XKR4: variants seen among roughly 807,000 people sequenced by gnomAD.
XKR4 encodes XK related 4, also known as XK-related protein 4.
Under a neutral mutation model 53.9 loss-of-function variants are expected in XKR4, and 12 were observed. The ratio of observed to expected loss-of-function variants is 0.22; its 90% confidence interval spans 0.14 to 0.36. XKR4 has a LOEUF of 0.36. XKR4 is among the 10% of genes least tolerant of loss of function. The pLI, the probability that XKR4 is intolerant of heterozygous loss-of-function variation, is 1.00. For synonymous variants in XKR4, 354 were observed against 362.4 expected, an observed-to-expected ratio of 0.98 and a Z score of 0.26; for missense variants, 799 against 859.5, an observed-to-expected ratio of 0.93 and a Z score of 0.88.
At chr8:55,216,041 T>C (rs1817792186) in intron 1 of XKR4, among the ~76,000 whole-genome samples, 1 of 152,160 alleles carries the variant, frequency 6.6e-6, no homozygotes, top group Admixed American at 6.5e-5. Flanking sequence ...GAAAAATACA[T>C]ATGATGAAAA....
In XKR4 at chr8:55,533,268, A is replaced by G. The variant is rs1012244869; in HGVS notation, c.*9041A>G. 6.6e-6 allele frequency: 1 copy of G among 152,172 alleles called. No individual in the cohort carries two copies. Among genetic ancestry groups the G allele is most frequent in the Non-Finnish European group, 1.5e-5 (1 of 68,026 alleles). The allele number at this position is 152,172 out of a possible 1,614,324, so 9.4% of individuals were successfully genotyped here. A position where few individuals can be genotyped will look rare whatever the true frequency, so the allele number is the denominator to read the frequency against. ...ACCTTTGACCTGTGGTTTTCTGCTG[A>G]GCCCCTTGTGATTTTTTTTATTCTA... On this transcript the variant is annotated 3_prime_UTR_variant, in exon 3 of 3. Transcript: ENST00000327381.
chr8:55,418,169 A>G (rs1756732989), intron 2 of XKR4, among the ~76,000 whole-genome samples: 1 of 152,152 alleles, frequency 6.6e-6, no homozygotes, highest in Non-Finnish European at 1.5e-5. Context: ...GAGACTTCCT[A>G]TCTACACCTC....
At chr8:55,238,377 C>G (rs1382378377) in intron 1 of XKR4, among the ~76,000 whole-genome samples, 1 of 152,130 alleles carries the variant, frequency 6.6e-6, no homozygotes, top group African/African-American at 2.4e-5. Context: ...TCATCCTTAT[C>G]CTCTTGTTTG....
intron 1 of XKR4, among the ~76,000 whole-genome samples, chr8:55,179,286 A>C (rs971644745): frequency 6.8e-6 from 1 of 147,972 alleles, no homozygotes; most frequent in Non-Finnish European, 1.5e-5. Context: ...GAGCATGACA[A>C]CATTCCACCT....
intron 1 of XKR4, among the ~76,000 whole-genome samples, chr8:55,192,999 C>T (rs1002830349): frequency 3.3e-5 from 5 of 151,884 alleles, no homozygotes; most frequent in Non-Finnish European, 4.4e-5. Context: ...TTTTGTTTCT[C>T]CTCCTTCATT....
At chr8:55,155,251 C>T (rs1178544384) in intron 1 of XKR4, among the ~76,000 whole-genome samples, 3 of 152,112 alleles carry the variant, frequency 2.0e-5, no homozygotes, top group Admixed American at 6.5e-5. Context: ...AGCTGTGTAC[C>T]CCTCATCCTT....
chr8:55,133,159 C>T (rs775805611), intron 1 of XKR4, among the ~76,000 whole-genome samples: 29 of 152,090 alleles, frequency 1.9e-4, no homozygotes, highest in African/African-American at 6.0e-4. Flanking sequence ...AAGAAAAATA[C>T]GAACAATTAA....
chr8:55,327,577 T>C (rs1245356840), intron 1 of XKR4, among the ~76,000 whole-genome samples: 1 of 152,210 alleles, frequency 6.6e-6, no homozygotes, highest in Non-Finnish European at 1.5e-5. Flanking sequence ...CTAATTATTA[T>C]AGTTCTAAAT....
At chr8:55,210,497 A>G (rs144697088) in intron 1 of XKR4, among the ~76,000 whole-genome samples, 2 of 152,362 alleles carry the variant, frequency 1.3e-5, no homozygotes, top group East Asian at 3.9e-4. Context: ...TTTTTATGAC[A>G]GTTTTCAGAT....
intron 2 of XKR4, among the ~76,000 whole-genome samples, chr8:55,406,923 A>G (rs1387944535): frequency 6.6e-6 from 1 of 152,250 alleles, no homozygotes; most frequent in Non-Finnish European, 1.5e-5. Context: ...AACATATTCA[A>G]TAAGTACATT....
chr8:55,497,731 TG>T (rs1418839927), intron 2 of XKR4, among the ~76,000 whole-genome samples: 6 of 151,812 alleles, frequency 4.0e-5, no homozygotes, highest in African/African-American at 1.5e-4. Context: ...ATTATTCCAA[TG>T]ACCTTACTGA....
intron 2 of XKR4, among the ~76,000 whole-genome samples, chr8:55,510,686 CA>C (rs1236406101): frequency 6.6e-6 from 1 of 152,196 alleles, no homozygotes; most frequent in Non-Finnish European, 1.5e-5. Flanking sequence ...AAAAGAGCAG[CA>C]AGTTACTCTC....
intron 2 of XKR4, among the ~76,000 whole-genome samples, chr8:55,396,276 C>A (rs558302242): frequency 2.0e-4 from 31 of 152,226 alleles, no homozygotes; most frequent in Non-Finnish European, 4.1e-4. Flanking sequence ...TGGGGAAGAG[C>A]CCCAGTGGCA....
At chr8:55,243,108 G>T (rs1375301850) in intron 1 of XKR4, among the ~76,000 whole-genome samples, 2 of 152,078 alleles carry the variant, frequency 1.3e-5, no homozygotes, top group Non-Finnish European at 2.9e-5. Flanking sequence ...ATCTACCCCT[G>T]CACATGCACA....
At chr8:55,186,182 G>A (rs1347203058) in intron 1 of XKR4, among the ~76,000 whole-genome samples, 1 of 151,968 alleles carries the variant, frequency 6.6e-6, no homozygotes, top group African/African-American at 2.4e-5. Flanking sequence ...TTTGACCCTC[G>A]TATCAAAACT....
At position 55,475,993 on chromosome 8, in the gene XKR4, A is replaced by C. The variant is rs1156741682; in HGVS notation, c.1007-47288A>C. Among the ~76,000 whole-genome samples the C allele has an allele frequency of 2.0e-5, 3 of 151,748 alleles. No homozygotes were observed. The East Asian group carries it at 5.8e-4, about 29-fold the overall frequency. On this transcript the variant is annotated intron_variant, in intron 2 of 2. Transcript: ENST00000327381. ...ACTCCTTGGCTCAAGTGATCCATTCACTTCAGCCTTCCAAAGTGCTGGGAT... is the reference window on the plus strand; with the variant it reads ...ACTCCTTGGCTCAAGTGATCCATTCCCTTCAGCCTTCCAAAGTGCTGGGAT...
Position 55,530,513 on chromosome 8 carries a change from T to C in XKR4, c.*6286T>C, listed in dbSNP as rs994305395. 1 of 152,252 alleles carries C rather than the reference T, an allele frequency of 6.6e-6. No individual in the cohort carries two copies. The highest frequency in any genetic ancestry group is 1.5e-5 in the Non-Finnish European group (1 of 68,038). The allele number at this position is 152,252 out of a possible 1,614,324, so 9.4% of individuals were successfully genotyped here. ...GAAGGTCTGCAAGATGACAGAGTTG[T>C]AACCCATTCAATGATATTGTTGCCT... On this transcript the variant is annotated 3_prime_UTR_variant, in exon 3 of 3. Coordinates refer to ENST00000327381, the MANE Select transcript of XKR4 (RefSeq NM_052898.2).
chr8:55,294,472 G>A (rs1215331406), intron 1 of XKR4, among the ~76,000 whole-genome samples: 1 of 152,126 alleles, frequency 6.6e-6, no homozygotes, highest in Non-Finnish European at 1.5e-5. Context: ...TGGGCTAAAG[G>A]GATGTAGTCG....
At chr8:55,213,947 C>T (rs1482721720) in intron 1 of XKR4, among the ~76,000 whole-genome samples, 17 of 147,876 alleles carry the variant, frequency 1.1e-4, no homozygotes, top group Admixed American at 4.1e-4. Flanking sequence ...CTGCAAGCTC[C>T]GCCTCCCGGG....
Sources: gnomAD v4.1 joint callset for allele counts (sites outside exome capture counted in the v4.1 genomes callset) on GRCh38, gnomAD v4.1.1 for gene constraint, MANE v1.5 for transcripts, NCBI Gene and HGNC (gene_info 2026-07-23, HGNC 2026-07-21) for gene names.